The following SEC61A2 variants were observed in gnomAD, a reference collection of about 807,000 sequenced individuals.
The protein encoded by SEC61A2 is protein transport protein Sec61 subunit alpha isoform 2.
A neutral mutation model predicts 59.9 loss-of-function variants in SEC61A2; 28 were observed. That is an observed-to-expected ratio of 0.47 (90% CI 0.35 to 0.64). SEC61A2 has a LOEUF of 0.64. SEC61A2 is among the 30% of genes least tolerant of loss of function. SEC61A2 has a pLI of 0.01. For synonymous variants in SEC61A2, 202 were observed against 214.4 expected, an observed-to-expected ratio of 0.94 and a Z score of 0.50; for missense variants, 340 against 585.9, an observed-to-expected ratio of 0.58 and a Z score of 4.33.
Position 12,164,675 on chromosome 10 carries a change from C to G in SEC61A2, c.*221C>G, listed in dbSNP as rs1834623170. 1 of 1,333,562 alleles carries G rather than the reference C, an allele frequency of 7.5e-7. No individual in the cohort carries two copies. Among genetic ancestry groups the G allele is most frequent in the South Asian group, 1.8e-5 (1 of 56,802 alleles). The allele number at this position is 1,333,562 out of a possible 1,614,324, so 82.6% of individuals were successfully genotyped here. ...ACATTATTCATTAAAAAAAGTACAT[C>G]TAGTGTTGCCTGTAATGCTGGAAAC... On this transcript the variant is annotated 3_prime_UTR_variant, in exon 12 of 12. Transcript: ENST00000298428. The surrounding 1 kb of genome is among the most constrained non-coding windows in gnomAD (Gnocchi z 7.3).
chr10:12,169,735 T>G, downstream of SEC61A2: 1 of 222,130 alleles, frequency 4.5e-6, no homozygotes, highest in East Asian at 1.0e-4. The surrounding 1 kb of genome is among the most constrained non-coding windows in gnomAD (Gnocchi z 4.8). Flanking sequence ...GAAAGACACA[T>G]TCAGATTTTC....
chr10:12,159,561 G>A (rs560405314), intron 9 of SEC61A2, among the ~76,000 whole-genome samples: 105 of 152,154 alleles, frequency 6.9e-4, no homozygotes, highest in African/African-American at 2.4e-3. Context: ...ACAGTGTTAC[G>A]TGCCTGTAGT....
intron 4 of SEC61A2, among the ~76,000 whole-genome samples, chr10:12,148,129 C>T (rs1167506287): frequency 8.6e-5 from 13 of 151,436 alleles, no homozygotes; most frequent in South Asian, 8.3e-4. Flanking sequence ...TTAGTAGAGA[C>T]GGGGTTTCAC....
At chr10:12,169,392 A>G, downstream of SEC61A2, 2 of 1,073,592 alleles carry the variant, frequency 1.9e-6, no homozygotes, top group Non-Finnish European at 2.7e-6. This position sits in a 1 kb window ranked among gnomAD's most constrained non-coding sequence, Gnocchi z 4.8. Flanking sequence ...ACCTCCTCAG[A>G]GGGAGGGGCT....
In SEC61A2 at chr10:12,136,142, C is replaced by A; in HGVS notation, c.113C>A (p.Thr38Lys). Residue 38 changes from threonine to lysine, a missense_variant, in exon 3 of 12, where the codon ACG becomes AAG. By Grantham distance (78) the Thr-to-Lys change is moderately conservative. Coordinates refer to ENST00000298428, the MANE Select transcript of SEC61A2 (RefSeq NM_018144.4). The part of the protein sequence containing the change: ...FREKVLWTAI[T>K]LFIFLVCCQI... ...GAGAAGGTTCTGTGGACTGCTATAA[C>A]GCTCTTCATTTTCTTAGTGTGTTGT... is the stretch of plus-strand genomic sequence containing the variant. 1 of 1,601,274 alleles carries A rather than the reference C, an allele frequency of 6.2e-7. No homozygotes were observed. The highest frequency in any genetic ancestry group is 8.6e-7 in the Non-Finnish European group (1 of 1,168,394).
rs1008454818 is a variant in SEC61A2 at position 12,143,321 on chromosome 10, T to C, written c.220+126T>C. 10 of 737,400 alleles carry C rather than the reference T, an allele frequency of 1.4e-5. No individual in the cohort carries two copies. In the South Asian group the frequency reaches 1.5e-4, roughly 11 times the overall value. The allele number at this position is 737,400 out of a possible 1,614,324, so 45.7% of individuals were successfully genotyped here. On this transcript the variant is annotated intron_variant, in intron 4 of 11. Coordinates refer to ENST00000298428, the MANE Select transcript of SEC61A2 (RefSeq NM_018144.4). The surrounding 1 kb of genome is among the most constrained non-coding windows in gnomAD (Gnocchi z 4.8). ...TATCATTGCCTAGAAAAGCCTAGTATGTAGATAATGACAACACCGTGTGAT... is the reference window on the plus strand; with the variant it reads ...TATCATTGCCTAGAAAAGCCTAGTACGTAGATAATGACAACACCGTGTGAT...
rs1273909710 is a variant in SEC61A2, at chr10:12,164,442, T to C, written c.1419T>C (p.Ala473=). 3 of 1,609,998 alleles carry C rather than the reference T, an allele frequency of 1.9e-6. No homozygotes were observed. Among genetic ancestry groups the C allele is most frequent in the Non-Finnish European group, 2.5e-6 (3 of 1,178,386 alleles). The change falls in exon 12 of 12, where the codon GCT becomes GCC. Residue 473 remains alanine (A), a synonymous_variant. Transcript: ENST00000298428. The surrounding 1 kb of genome is among the most constrained non-coding windows in gnomAD (Gnocchi z 7.3). ...AGGCCGAAGTTGGTGGGATGGGTGC[T>C]TTGTTTTTCTAAATGTTCAAATATT... ...KEQAEVGGMG[A]LFF is the part of the protein sequence containing the mutation.
chr10:12,169,556 C>T (rs1206402686), downstream of SEC61A2: 17 of 447,108 alleles, frequency 3.8e-5, 1 homozygote, highest in South Asian at 3.9e-4. The surrounding 1 kb of genome is among the most constrained non-coding windows in gnomAD (Gnocchi z 4.8). Flanking sequence ...TCTCCAAATA[C>T]GCACCAGATA....
In SEC61A2 at chr10:12,153,967, A is replaced by G; in HGVS notation, c.463-1811A>G. ...TTTTAAAAAACTATTAGAGAATATC[A>G]GTGTGCATGGCACATAATAAAGGTA... is the stretch of plus-strand genomic sequence containing the variant. On this transcript the variant is annotated intron_variant, in intron 6 of 11. Coordinates refer to ENST00000298428, the MANE Select transcript of SEC61A2 (RefSeq NM_018144.4). The surrounding 1 kb of genome is among the most constrained non-coding windows in gnomAD (Gnocchi z 5.2). 1 of 605,974 alleles carries G rather than the reference A, an allele frequency of 1.7e-6. No homozygotes were observed. Among genetic ancestry groups the G allele is most frequent in the South Asian group, 2.5e-5 (1 of 39,402 alleles). The allele number at this position is 605,974 out of a possible 1,614,324, so 37.5% of individuals were successfully genotyped here. A position where few individuals can be genotyped will look rare whatever the true frequency, so the allele number is the denominator to read the frequency against.
Position 12,149,920 on chromosome 10 carries a change from G to A in SEC61A2, c.421G>A (p.Ala141Thr). 1.2e-6 allele frequency: 2 copies of A among 1,613,916 alleles called. No homozygotes were observed. The highest frequency in any genetic ancestry group is 8.5e-7 in the Non-Finnish European group (1 of 1,179,812). Residue 141 changes from alanine to threonine, a missense_variant, in exon 6 of 12, where the codon GCA (alanine) becomes ACA (threonine). Ala to Thr is a moderately conservative substitution (Grantham distance 58, BLOSUM62 0). Transcript: ENST00000298428. This position sits in a 1 kb window ranked among gnomAD's most constrained non-coding sequence, Gnocchi z 5.2. ...CATGACGGGGATGTATGGGGACCCT[G>A]CAGAAATGGGTGCCGGAATCTGTCT... Reference protein sequence around the residue: ...YVMTGMYGDPAEMGAGICLLI... With the variant: ...YVMTGMYGDPTEMGAGICLLI...
intron 3 of SEC61A2, among the ~76,000 whole-genome samples, chr10:12,138,923 T>A (rs1833946940): frequency 6.6e-6 from 1 of 152,184 alleles, no homozygotes; most frequent in African/African-American, 2.4e-5. Flanking sequence ...TATAAGAAAT[T>A]GTCAGCTCTT....
Position 12,155,391 on chromosome 10 carries a change from T to G in SEC61A2, c.463-387T>G. The G allele has an allele frequency of 7.2e-6, 11 of 1,519,154 alleles. No individual in the cohort carries two copies. The highest frequency in any genetic ancestry group is 8.8e-6 in the Non-Finnish European group (10 of 1,130,154). 94.1% of individuals were successfully genotyped at this position (1,519,154 alleles called of 1,614,324 possible). ...TATTATACCAGAATTCATCTGACTT[T>G]TTACTTCCTTGGAGGTATTTGGGAT... On this transcript the variant is annotated intron_variant, in intron 6 of 11. Coordinates refer to ENST00000298428, the MANE Select transcript of SEC61A2 (RefSeq NM_018144.4). The surrounding 1 kb of genome is among the most constrained non-coding windows in gnomAD (Gnocchi z 4.3).
Position 12,155,960 on chromosome 10 carries a change from G to A in SEC61A2, c.616+29G>A. The A allele has an allele frequency of 1.2e-6, 2 of 1,613,034 alleles. No homozygotes were observed. The highest frequency in any genetic ancestry group is 1.7e-6 in the Non-Finnish European group (2 of 1,179,028). On this transcript the variant is annotated intron_variant, in intron 7 of 11. Coordinates refer to ENST00000298428, the MANE Select transcript of SEC61A2 (RefSeq NM_018144.4). The surrounding 1 kb of genome is among the most constrained non-coding windows in gnomAD (Gnocchi z 4.3). ...CATCGCACAGCGACTGCAACTGCACGCGTTTTGCTGGATGTGTGCTGGGAA... is the reference window on the plus strand; with the variant it reads ...CATCGCACAGCGACTGCAACTGCACACGTTTTGCTGGATGTGTGCTGGGAA...
At chr10:12,159,792 T>G (rs767870491) in intron 9 of SEC61A2, among the ~76,000 whole-genome samples, 1 of 152,224 alleles carries the variant, frequency 6.6e-6, no homozygotes, top group Non-Finnish European at 1.5e-5. Flanking sequence ...TCTGTACAGT[T>G]ATTCTTGAAA....
At position 12,158,953 on chromosome 10, in the gene SEC61A2, T is replaced by A. The variant is rs1022088283; in HGVS notation, c.975+848T>A. Among the ~76,000 whole-genome samples, 1 of 151,746 alleles carries A rather than the reference T, an allele frequency of 6.6e-6. No homozygotes were observed. The highest frequency in any genetic ancestry group is 1.5e-5 in the Non-Finnish European group (1 of 67,944). On this transcript the variant is annotated intron_variant, in intron 9 of 11. Transcript: ENST00000298428. This position sits in a 1 kb window ranked among gnomAD's most constrained non-coding sequence, Gnocchi z 5.7. ...AGTAATATAATCCTATACATTCTCA[T>A]ATACATCCCCCATCATAATTTTTTT...
In SEC61A2 at chr10:12,162,323, G is replaced by C. The variant is rs1360317232; in HGVS notation, c.1244+34G>C. The C allele has an allele frequency of 1.3e-6, 2 of 1,520,092 alleles. No individual in the cohort carries two copies. The highest frequency in any genetic ancestry group is 1.4e-5 in the African/African-American group (1 of 73,036). The allele number at this position is 1,520,092 out of a possible 1,614,324, so 94.2% of individuals were successfully genotyped here. A position where few individuals can be genotyped will look rare whatever the true frequency, so the allele number is the denominator to read the frequency against. ...GCTAGACTGACACCTTTATAGGCCT[G>C]TGTTTGTGTTTCAGTCTTTCAGTGT... On this transcript the variant is annotated intron_variant, in intron 11 of 11. Transcript: ENST00000298428. This position sits in a 1 kb window ranked among gnomAD's most constrained non-coding sequence, Gnocchi z 6.1.
chr10:12,163,290 G>A (rs1834571065), intron 11 of SEC61A2, among the ~76,000 whole-genome samples: 1 of 148,778 alleles, frequency 6.7e-6, no homozygotes, highest in African/African-American at 2.5e-5. Context: ...GACCACAGGT[G>A]TGTGCCACCA....
chr10:12,144,911 G>A (rs961945002), intron 4 of SEC61A2, among the ~76,000 whole-genome samples: 3 of 152,110 alleles, frequency 2.0e-5, no homozygotes, highest in Non-Finnish European at 4.4e-5. Context: ...TTAGCCAGGT[G>A]TGGTCGTGTG....
chr10:12,169,238 T>G (rs772179343), downstream of SEC61A2: 1 of 1,525,290 alleles, frequency 6.6e-7, no homozygotes, highest in South Asian at 1.2e-5. The surrounding 1 kb of genome is among the most constrained non-coding windows in gnomAD (Gnocchi z 4.8). Context: ...CTTATTCTAT[T>G]TTTTTCTCCC....
Sources: allele counts gnomAD v4.1 joint callset (sites outside exome capture counted in the v4.1 genomes callset), GRCh38; gene constraint gnomAD v4.1.1; non-coding constraint Gnocchi (gnomAD v3.1); transcripts MANE v1.5; gene names NCBI Gene and HGNC (gene_info 2026-07-23, HGNC 2026-07-21).